The following IKZF2 variants were observed in gnomAD, a reference collection of about 807,000 sequenced individuals.
IKZF2 encodes the protein zinc finger protein Helios.
IKZF2 carries 15 observed loss-of-function variants against 49.2 expected under a neutral mutation model. That is an observed-to-expected ratio of 0.30 (90% CI 0.20 to 0.47). The LOEUF (loss-of-function observed/expected upper bound fraction) is 0.47, where lower values mean the gene tolerates loss of function less well. IKZF2 is among the 20% of genes least tolerant of loss of function. IKZF2 has a pLI of 1.00. For missense variants in IKZF2, 567 were observed against 664.6 expected (o/e 0.85, Z 1.61); for synonymous variants, 227 against 221.4 (o/e 1.03, Z -0.23).
chr2:213,120,764 A>G (rs1453201393), intron 4 of IKZF2, among the ~76,000 whole-genome samples: 1 of 152,140 alleles, frequency 6.6e-6, no homozygotes. Context: ...TTTATTTTTG[A>G]GACAGTCTCG....
chr2:213,105,580 TG>T (rs1197552252), intron 4 of IKZF2, among the ~76,000 whole-genome samples: 13 of 42,242 alleles, frequency 3.1e-4, no homozygotes, highest in South Asian at 1.1e-3. Context: ...GTGTAGTGTG[TG>T]GGGGGGGAAG....
intron 4 of IKZF2, among the ~76,000 whole-genome samples, chr2:213,062,128 C>G (rs1488663946): frequency 6.6e-6 from 1 of 151,366 alleles, no homozygotes; most frequent in African/African-American, 2.4e-5. Flanking sequence ...ATAATAAATT[C>G]TACCCTCATC....
At chr2:213,028,571 G>A (rs1241853912) in intron 6 of IKZF2, among the ~76,000 whole-genome samples, 1 of 152,064 alleles carries the variant, frequency 6.6e-6, no homozygotes, top group Non-Finnish European at 1.5e-5. Context: ...TACGTACACA[G>A]TTCTTACACA....
chr2:213,093,730 T>C (rs895702714), intron 4 of IKZF2, among the ~76,000 whole-genome samples: 1 of 152,314 alleles, frequency 6.6e-6, no homozygotes, highest in East Asian at 1.9e-4. Flanking sequence ...ATTGAAGGAA[T>C]AACTAGAAAT....
chr2:213,072,316 C>T (rs1338086277), intron 4 of IKZF2, among the ~76,000 whole-genome samples: 28 of 131,524 alleles, frequency 2.1e-4, no homozygotes, highest in African/African-American at 6.7e-4. Context: ...TTTTCTGTTT[C>T]GACTGATGAT....
intron 7 of IKZF2, chr2:213,015,255 C>CA (rs953748999): frequency 6.6e-6 from 1 of 151,780 alleles, no homozygotes; most frequent in African/African-American, 2.4e-5. Context: ...ATAGATGGGT[C>CA]AAAAAAATTG....
chr2:213,058,460 T>C (rs895394843), intron 4 of IKZF2, among the ~76,000 whole-genome samples: 5 of 151,904 alleles, frequency 3.3e-5, no homozygotes, highest in African/African-American at 1.2e-4. Context: ...GAAATGTGCT[T>C]ATCTTTTTTT....
At chr2:213,032,484 A>C (rs527263616) in intron 6 of IKZF2, among the ~76,000 whole-genome samples, 1 of 152,214 alleles carries the variant, frequency 6.6e-6, no homozygotes, top group East Asian at 1.9e-4. Flanking sequence ...CTGTAATACA[A>C]GCACTTTGGG....
At position 213,007,496 on chromosome 2, in the gene IKZF2, T is replaced by A; in HGVS notation, c.1445A>T (p.Asp482Val). The A allele has an allele frequency of 6.2e-7, 1 of 1,613,604 alleles. No homozygotes were observed. Among genetic ancestry groups the A allele is most frequent in the Non-Finnish European group, 8.5e-7 (1 of 1,179,682 alleles). ...KCEHCRVLFLDHVMYTIHMGC... is the reference protein window; with the variant it reads ...KCEHCRVLFLVHVMYTIHMGC... ...CATGTGAATGGTGTACATGACATGG[T>A]CTAGGAAAAGGACTCGGCAGTGCTC... The change falls in exon 9 of 9, where the codon GAC becomes GTC. Residue 482 changes from aspartate to valine, a missense_variant. Around this residue, in one of 5 missense-constraint regions of IKZF2, gnomAD observed 22 missense variants for 52.3 expected, o/e 0.42. Transcript: ENST00000434687.
intron 4 of IKZF2, among the ~76,000 whole-genome samples, chr2:213,071,948 C>T (rs1037129691): frequency 1.3e-5 from 2 of 151,696 alleles, no homozygotes; most frequent in African/African-American, 4.8e-5. Flanking sequence ...TGAATGAAAA[C>T]CTAAAATGAA....
In IKZF2 at chr2:213,020,711, A is replaced by T. The variant is rs370846609; in HGVS notation, c.712+1282T>A. On this transcript the variant is annotated intron_variant, in intron 7 of 8. Coordinates refer to ENST00000434687, the MANE Select transcript of IKZF2 (RefSeq NM_001387220.1). ...GGATAACAAGAAAATTTTAAATTAAAAAAATTCCCAACTCAACAACACATA... is the reference window on the plus strand; with the variant it reads ...GGATAACAAGAAAATTTTAAATTAATAAAATTCCCAACTCAACAACACATA... 3.3e-4 allele frequency among the ~76,000 whole-genome samples: 51 copies of T among 152,320 alleles called. 1 individual carries two copies. The East Asian group carries it at 8.1e-3, about 24-fold the overall frequency.
intron 4 of IKZF2, among the ~76,000 whole-genome samples, chr2:213,119,736 C>T (rs2059989940): frequency 6.6e-6 from 1 of 152,136 alleles, no homozygotes; most frequent in Non-Finnish European, 1.5e-5. Flanking sequence ...TCTACAGACT[C>T]GGGTTCAGAG....
chr2:213,106,631 G>A (rs2059538670), intron 4 of IKZF2, among the ~76,000 whole-genome samples: 2 of 133,806 alleles, frequency 1.5e-5, no homozygotes, highest in South Asian at 4.7e-4. Context: ...CAGAGTGAGG[G>A]AAACCCTGTC....
chr2:213,128,573 T>C (rs1046240070), intron 4 of IKZF2, among the ~76,000 whole-genome samples: 4 of 152,058 alleles, frequency 2.6e-5, no homozygotes, highest in Admixed American at 6.6e-5. Flanking sequence ...CATAAGAGTG[T>C]ATCATGTAAA....
intron 4 of IKZF2, 55 bp downstream of exon 4, chr2:213,147,653 T>C: frequency 7.7e-7 from 1 of 1,301,212 alleles, no homozygotes; most frequent in Non-Finnish European, 1.1e-6. Flanking sequence ...CAAATTAAAG[T>C]CTGTTGCTGG....
intron 5 of IKZF2, among the ~76,000 whole-genome samples, chr2:213,055,834 A>C (rs1701099260): frequency 6.6e-6 from 1 of 152,150 alleles, no homozygotes; most frequent in Admixed American, 6.6e-5. Flanking sequence ...GTAATTGTTA[A>C]ACTATTTAGA....
intron 6 of IKZF2, among the ~76,000 whole-genome samples, chr2:213,047,312 C>CCA (rs1559204182): frequency 6.6e-6 from 1 of 152,100 alleles, no homozygotes; most frequent in East Asian, 1.9e-4. Context: ...CAGCTGGCTA[C>CCA]ATGGAGTGGT....
intron 4 of IKZF2, among the ~76,000 whole-genome samples, chr2:213,106,137 C>G (rs1368432154): frequency 6.6e-6 from 1 of 152,016 alleles, no homozygotes; most frequent in Non-Finnish European, 1.5e-5. Flanking sequence ...TTAGCTATTT[C>G]TCTTTTTAAA....
Position 213,134,686 on chromosome 2 carries a change from C to G in IKZF2, c.139+13022G>C, listed in dbSNP as rs6757055. ...TATCTGAAGAAGTATGCTTCTTTCT[C>G]CCGAATCTAAATGCTTATTCATTTA... On this transcript the variant is annotated intron_variant, in intron 4 of 8. Coordinates refer to ENST00000434687, the MANE Select transcript of IKZF2 (RefSeq NM_001387220.1). 1.2e-4 allele frequency among the ~76,000 whole-genome samples: 18 copies of G among 152,336 alleles called. No homozygotes were observed. In the South Asian group the frequency reaches 3.3e-3, roughly 28 times the overall value.
Sources: gnomAD v4.1 joint callset for allele counts (sites outside exome capture counted in the v4.1 genomes callset) on GRCh38, gnomAD v4.1.1 for gene constraint, gnomAD v4.1.1 regional missense constraint, MANE v1.5 for transcripts, NCBI Gene and HGNC (gene_info 2026-07-23, HGNC 2026-07-21) for gene names.